The following SPG11 variants were observed in gnomAD, a reference collection of about 807,000 sequenced individuals.
SPG11 encodes the protein spatacsin.
Under a neutral mutation model 274.0 loss-of-function variants are expected in SPG11, and 222 were observed. That is an observed-to-expected ratio of 0.81 (90% confidence interval 0.73 to 0.91). The LOEUF is 0.91. SPG11 is among the 40% of genes least tolerant of loss of function. The pLI is 0.00. For missense variants in SPG11, 3,114 were observed against 2,872.7 expected (o/e 1.08, Z -1.92); for synonymous variants, 1,144 against 1,039.7 (o/e 1.10, Z -1.93).
intron 18 of SPG11, among the ~76,000 whole-genome samples, 182 bp from the exon 19 acceptor site, chr15:44,608,787 T>C (rs573076509): frequency 3.9e-5 from 6 of 152,334 alleles, no homozygotes; most frequent in African/African-American, 1.4e-4. Flanking sequence ...AAACTAGCTA[T>C]GTGACCTTAG....
In SPG11 at chr15:44,583,982, A is replaced by G; in HGVS notation, c.5698T>C (p.Tyr1900His). ...ACATCTGGATTATAAAAATGAAAATACCGGCATACTCTACTTGCTTCATGC... is the reference window on the plus strand; with the variant it reads ...ACATCTGGATTATAAAAATGAAAATGCCGGCATACTCTACTTGCTTCATGC... ...CVHEASRVCR[Y>H]FHFYNPDVAL... Residue 1900 changes from tyrosine to histidine, a missense_variant, in exon 30 of 40, where the codon TAT becomes CAT. Tyr to His is a moderately conservative substitution (Grantham distance 83). Coordinates refer to ENST00000261866, the MANE Select transcript of SPG11 (RefSeq NM_025137.4). The G allele has an allele frequency of 6.2e-7, 1 of 1,614,212 alleles. No individual in the cohort carries two copies. The highest frequency in any genetic ancestry group is 1.3e-5 in the African/African-American group (1 of 75,060).
chr15:44,638,148 T>C (rs1459214366), intron 7 of SPG11, among the ~76,000 whole-genome samples: 2 of 152,234 alleles, frequency 1.3e-5, no homozygotes, highest in East Asian at 3.8e-4. Context: ...ACCTGTATTA[T>C]TCAAAACAAT....
At chr15:44,654,100 TG>T (rs1237217905) in intron 4 of SPG11, among the ~76,000 whole-genome samples, 5 of 152,180 alleles carry the variant, frequency 3.3e-5, no homozygotes, top group African/African-American at 1.2e-4. Context: ...ACCACAGGCA[TG>T]TACTACCATG....
In SPG11 at chr15:44,629,296, A is replaced by G; in HGVS notation, c.1828T>C (p.Leu610=). Residue 610 remains leucine (L), a synonymous_variant, in exon 9 of 40, where the codon TTG becomes CTG. Coordinates refer to ENST00000261866, the MANE Select transcript of SPG11 (RefSeq NM_025137.4). ...AGGAAAGACAGTGTAAGATTAAGCA[A>G]TTGTTCTGAAAAGTGTTTGCTTTGG... ...EPQSKHFSEQ[L]LNLTLSFLNN... is the part of the protein sequence containing the mutation. 3 of 1,614,124 alleles carry G rather than the reference A, an allele frequency of 1.9e-6. No individual in the cohort carries two copies. The highest frequency in any genetic ancestry group is 1.7e-6 in the Non-Finnish European group (2 of 1,179,978).
Position 44,566,002 on chromosome 15 carries a change from C to G in SPG11, c.6851G>C (p.Cys2284Ser). ...DAAESYAKDS[C>S]VRQAQHCQRL... Reference sequence around the variant, plus strand: ...CTGACAGTGCTGGGCCTGTCGCACACAGGAGTCCTGAGGAACAAGGGTGGA... The same window carrying G: ...CTGACAGTGCTGGGCCTGTCGCACAGAGGAGTCCTGAGGAACAAGGGTGGA... The change falls in exon 38 of 40, where the codon TGT (cysteine) becomes TCT (serine). Residue 2284 changes from cysteine to serine, a missense_variant. By Grantham distance (112) the Cys-to-Ser change is moderately radical (BLOSUM62 -1). Coordinates refer to ENST00000261866, the MANE Select transcript of SPG11 (RefSeq NM_025137.4). The G allele has an allele frequency of 6.2e-7, 1 of 1,613,688 alleles. No individual in the cohort carries two copies. The highest frequency in any genetic ancestry group is 8.5e-7 in the Non-Finnish European group (1 of 1,180,020).
intron 34 of SPG11, among the ~76,000 whole-genome samples, chr15:44,570,157 A>G (rs1260403784): frequency 6.6e-6 from 1 of 152,204 alleles, no homozygotes; most frequent in Non-Finnish European, 1.5e-5. Flanking sequence ...AGGGAGGCAC[A>G]TGGGAACTGA....
intron 19 of SPG11, among the ~76,000 whole-genome samples, chr15:44,606,578 C>G (rs1169430920): frequency 6.6e-6 from 1 of 151,890 alleles, no homozygotes; most frequent in African/African-American, 2.4e-5. Context: ...AATAGCGGAC[C>G]AAGGTGAAGT....
At chr15:44,624,501 G>C (rs2083843499) in intron 11 of SPG11, among the ~76,000 whole-genome samples, 1 of 152,132 alleles carries the variant, frequency 6.6e-6, no homozygotes. Flanking sequence ...ATAGAGAGTG[G>C]AATGATATTA....
chr15:44,647,184 T>C (rs1237371401), intron 7 of SPG11, among the ~76,000 whole-genome samples: 1 of 152,220 alleles, frequency 6.6e-6, no homozygotes, highest in Non-Finnish European at 1.5e-5. Context: ...TCAACATGTT[T>C]AGTCATTAGG....
intron 12 of SPG11, 50 bp from the exon 13 acceptor site, chr15:44,622,397 T>G: frequency 6.9e-7 from 1 of 1,447,704 alleles, no homozygotes; most frequent in South Asian, 1.2e-5. Flanking sequence ...ATCAAGCACT[T>G]TTGCAAAAAA....
intron 38 of SPG11, among the ~76,000 whole-genome samples, chr15:44,565,549 C>T (rs1296404451): frequency 6.6e-6 from 1 of 152,226 alleles, no homozygotes; most frequent in African/African-American, 2.4e-5. Context: ...TGGTTCCTAG[C>T]AGGCCATGGG....
chr15:44,656,093 A>AT (rs1309822690), intron 4 of SPG11, among the ~76,000 whole-genome samples: 4 of 152,204 alleles, frequency 2.6e-5, no homozygotes, highest in Non-Finnish European at 5.9e-5. Flanking sequence ...ATGGGCCTTC[A>AT]TAGGAGGCAA....
intron 7 of SPG11, among the ~76,000 whole-genome samples, chr15:44,634,441 ATT>A (rs1334276767): frequency 6.0e-5 from 8 of 133,060 alleles, no homozygotes; most frequent in Admixed American, 7.6e-5. Context: ...CACCCAGCTG[ATT>A]TTTTTTTTTT....
intron 7 of SPG11, among the ~76,000 whole-genome samples, chr15:44,641,365 A>G (rs1400234752): frequency 6.6e-6 from 1 of 152,148 alleles, no homozygotes; most frequent in Non-Finnish European, 1.5e-5. Context: ...AAGACTGATT[A>G]ATTAAATTCC....
chr15:44,659,479 G>A (rs1160384156), intron 2 of SPG11, among the ~76,000 whole-genome samples, 176 bp from the exon 3 acceptor site: 1 of 152,164 alleles, frequency 6.6e-6, no homozygotes, highest in Non-Finnish European at 1.5e-5. Context: ...AGGTAGGTAA[G>A]AGGATGACTA....
intron 36 of SPG11, among the ~76,000 whole-genome samples, chr15:44,566,779 A>G (rs1408412425): frequency 1.3e-5 from 2 of 152,146 alleles, no homozygotes; most frequent in Non-Finnish European, 2.9e-5. Flanking sequence ...GGCTCACTGC[A>G]ACCTCCGCCT....
rs1232225260 is a variant in SPG11 at position 44,657,145 on chromosome 15, A to C, written c.819T>G (p.Ile273Met). 2 of 1,614,232 alleles carry C rather than the reference A, an allele frequency of 1.2e-6. No individual in the cohort carries two copies. The highest frequency in any genetic ancestry group is 3.3e-5 in the Admixed American group (2 of 60,024). ...CAACTGCGGAGTTGGAGGAGCTGAC[A>C]ATCACTGCAACATCGAGGTCTTGAG... The part of the protein sequence containing the change: ...KVSQDLDVAV[I>M]VSSSNSAVAL... Residue 273 changes from isoleucine to methionine, a missense_variant, in exon 4 of 40, where the codon ATT (isoleucine) becomes ATG (methionine). Physicochemically the swap from Ile to Met is conservative, Grantham distance 10 (BLOSUM62 1). Transcript: ENST00000261866.
chr15:44,644,250 T>C (rs561863424), intron 7 of SPG11, among the ~76,000 whole-genome samples: 14 of 151,838 alleles, frequency 9.2e-5, no homozygotes, highest in South Asian at 2.1e-4. Context: ...CAGAATCAAG[T>C]AGGCTTTATC....
chr15:44,569,260 A>G, intron 35 of SPG11, 138 bp downstream of exon 35: 1 of 707,048 alleles, frequency 1.4e-6, no homozygotes, highest in Non-Finnish European at 2.6e-6. Flanking sequence ...GTGACAGTGT[A>G]TGTCTTGGGG....
Sources: allele counts gnomAD v4.1 joint callset (sites outside exome capture counted in the v4.1 genomes callset), GRCh38; gene constraint gnomAD v4.1.1; transcripts MANE v1.5; gene names NCBI Gene and HGNC (gene_info 2026-07-23, HGNC 2026-07-21).